Variants in ADAM29 observed in about 807,000 individuals in gnomAD.
ADAM29 encodes ADAM metallopeptidase domain 29.
For missense variants in ADAM29, 969 were observed against 1,001.8 expected, an observed-to-expected ratio of 0.97 and a Z score of 0.44; for synonymous variants, 367 against 342.3, an observed-to-expected ratio of 1.07 and a Z score of -0.80.
chr4:174,948,316 C>T (rs1179244579), intron 4 of ADAM29, among the ~76,000 whole-genome samples: 2 of 152,160 alleles, frequency 1.3e-5, no homozygotes, highest in African/African-American at 4.8e-5. Flanking sequence ...TTTGAAGTTG[C>T]TGGCCTTTGG....
At chr4:174,968,760 C>T (rs1005232146) in intron 4 of ADAM29, among the ~76,000 whole-genome samples, 1 of 143,750 alleles carries the variant, frequency 7.0e-6, no homozygotes, top group East Asian at 2.0e-4. Flanking sequence ...AATCAGTTTG[C>T]CACTTTCCGC....
intron 4 of ADAM29, among the ~76,000 whole-genome samples, chr4:174,968,771 C>CCA (rs36211576): frequency 0.14 from 20,597 of 148,574 alleles, 1,737 homozygotes; most frequent in Non-Finnish European, 0.19. Context: ...CACTTTCCGC[C>CCA]CACACACACA....
chr4:174,920,280 A>G (rs1743094050), intron 1 of ADAM29, among the ~76,000 whole-genome samples: 2 of 152,156 alleles, frequency 1.3e-5, no homozygotes, highest in Non-Finnish European at 2.9e-5. Context: ...CTTAAACTTA[A>G]TGGTTCCCTA....
intron 4 of ADAM29, among the ~76,000 whole-genome samples, chr4:174,974,931 A>G (rs1746671629): frequency 6.6e-6 from 1 of 152,246 alleles, no homozygotes; most frequent in Non-Finnish European, 1.5e-5. Context: ...ATCATCTGAA[A>G]TGGAATAGAA....
In ADAM29 at chr4:174,943,801, AC is replaced by A. The variant is rs1365772225; in HGVS notation, c.-181+6790del. On this transcript the variant is annotated intron_variant, in intron 4 of 4. Coordinates refer to ENST00000359240, the MANE Select transcript of ADAM29 (RefSeq NM_014269.4). ...ATCTTTGACTTGTAGCATGAGCCTTACCACAAATGTACAGGAAAAAAAAAAA... is the reference window on the plus strand; with the variant it reads ...ATCTTTGACTTGTAGCATGAGCCTTACACAAATGTACAGGAAAAAAAAAAA... 1.3e-4 allele frequency among the ~76,000 whole-genome samples: 14 copies of A among 106,292 alleles called. No individual in the cohort carries two copies. In the East Asian group the frequency reaches 3.9e-3, roughly 30 times the overall value. The allele number at this position is 106,292 out of a possible 152,430, so 69.7% of individuals were successfully genotyped here.
rs1747019907 is a variant in ADAM29, at chr4:174,978,059, C to A, written c.*71C>A. On this transcript the variant is annotated 3_prime_UTR_variant, in exon 5 of 5. Coordinates refer to ENST00000359240, the MANE Select transcript of ADAM29 (RefSeq NM_014269.4). ...CCCTCCCAGAGCCAACCTCGGGTGA[C>A]ACCCTCCCAGAGTCAACCTCATGTG... 1 of 1,583,518 alleles carries A rather than the reference C, an allele frequency of 6.3e-7. No homozygotes were observed. Among genetic ancestry groups the A allele is most frequent in the Admixed American group, 1.7e-5 (1 of 58,776 alleles).
intron 2 of ADAM29, among the ~76,000 whole-genome samples, chr4:174,922,373 T>A (rs1227224177): frequency 6.6e-6 from 1 of 152,206 alleles, no homozygotes; most frequent in East Asian, 1.9e-4. Flanking sequence ...CAAATCATCA[T>A]CCTGAAATCT....
intron 4 of ADAM29, among the ~76,000 whole-genome samples, chr4:174,942,284 C>T (rs1006367748): frequency 1.3e-5 from 2 of 152,198 alleles, no homozygotes; most frequent in Admixed American, 6.5e-5. Context: ...AGGCATTGCT[C>T]CAGTGGGAAC....
chr4:174,951,255 A>G (rs1047221932), intron 4 of ADAM29, among the ~76,000 whole-genome samples: 1 of 152,316 alleles, frequency 6.6e-6, no homozygotes, highest in East Asian at 1.9e-4. Flanking sequence ...CCTGACTCCC[A>G]TCTATTTCAT....
rs766360473 is a variant in ADAM29 at position 174,977,195 on chromosome 4, A to G, written c.1670A>G (p.Glu557Gly). 1 of 1,614,104 alleles carries G rather than the reference A, an allele frequency of 6.2e-7. No homozygotes were observed. The highest frequency in any genetic ancestry group is 1.3e-5 in the African/African-American group (1 of 75,060). Residue 557 changes from glutamate to glycine, a missense_variant, in exon 5 of 5, where the codon GAG (glutamate) becomes GGG (glycine). Coordinates refer to ENST00000359240, the MANE Select transcript of ADAM29 (RefSeq NM_014269.4). ...GTCCAGTGTGGAAGAATTCAGTGTG[A>G]GAATGTGACAGAAATTCCCAATATG... ...SDVQCGRIQC[E>G]NVTEIPNMSD...
chr4:174,963,735 T>G (rs1170740001), intron 4 of ADAM29, among the ~76,000 whole-genome samples: 1 of 152,178 alleles, frequency 6.6e-6, no homozygotes, highest in East Asian at 1.9e-4. Context: ...CAGGCTGGAG[T>G]GCAGTGGCAC....
At chr4:174,919,313 GATGAT>G (rs754918367) in intron 1 of ADAM29, among the ~76,000 whole-genome samples, 9 of 152,160 alleles carry the variant, frequency 5.9e-5, no homozygotes, top group Non-Finnish European at 1.0e-4. Flanking sequence ...AGATTTTAGA[GATGAT>G]TCTTTGGGTC....
intron 2 of ADAM29, among the ~76,000 whole-genome samples, chr4:174,926,180 G>C (rs1192966366): frequency 1.3e-5 from 2 of 151,934 alleles, no homozygotes; most frequent in African/African-American, 4.8e-5. Context: ...CTGGTTTATC[G>C]TATTTAACTT....
Position 174,977,081 on chromosome 4 carries a change from C to G in ADAM29, c.1556C>G (p.Thr519Ser). 6.2e-7 allele frequency: 1 copy of G among 1,614,018 alleles called. No homozygotes were observed. The highest frequency in any genetic ancestry group is 1.1e-5 in the South Asian group (1 of 91,070). The change falls in exon 5 of 5, where the codon ACT (threonine) becomes AGT (serine). Residue 519 changes from threonine to serine, a missense_variant. Thr to Ser is a moderately conservative substitution (Grantham distance 58). Coordinates refer to ENST00000359240, the MANE Select transcript of ADAM29 (RefSeq NM_014269.4). ...FGAGANTASE[T>S]CYKELNTLGD... ...GCAGGCGCAAATACTGCAAGTGAGA[C>G]TTGCTACAAAGAATTGAACACCTTA...
rs1250075867 is a variant in ADAM29, at chr4:174,977,632, C to A, written c.2107C>A (p.Pro703Thr). The A allele has an allele frequency of 6.2e-7, 1 of 1,613,956 alleles. No homozygotes were observed. Among genetic ancestry groups the A allele is most frequent in the African/African-American group, 1.3e-5 (1 of 74,980 alleles). ...TTATCGACTTTGTAAAAAAAGTAAACCAATAAAAAAGCAGCAAGATGTTCA... is the reference window on the plus strand; with the variant it reads ...TTATCGACTTTGTAAAAAAAGTAAAACAATAAAAAAGCAGCAAGATGTTCA... ...CLYRLCKKSKPIKKQQDVQTP... is the reference protein window; with the variant it reads ...CLYRLCKKSKTIKKQQDVQTP... Residue 703 changes from proline to threonine, a missense_variant, in exon 5 of 5, where the codon CCA (proline) becomes ACA (threonine). By Grantham distance (38) the Pro-to-Thr change is conservative. Coordinates refer to ENST00000359240, the MANE Select transcript of ADAM29 (RefSeq NM_014269.4).
rs558777696 is a variant in ADAM29 at position 174,931,991 on chromosome 4, A to G, written c.-262+817A>G. On this transcript the variant is annotated intron_variant, in intron 3 of 4. Transcript: ENST00000359240. ...TATTTTTCCACATTTATTTTTATTGAAATGACAATACATGAGGCCAGGCAA... is the reference window on the plus strand; with the variant it reads ...TATTTTTCCACATTTATTTTTATTGGAATGACAATACATGAGGCCAGGCAA... Among the ~76,000 whole-genome samples, 6 of 152,292 alleles carry G rather than the reference A, an allele frequency of 3.9e-5. No individual in the cohort carries two copies. In the South Asian group the frequency reaches 8.3e-4, roughly 21 times the overall value.
At chr4:174,926,122 C>G (rs1276519183) in intron 2 of ADAM29, among the ~76,000 whole-genome samples, 2 of 152,044 alleles carry the variant, frequency 1.3e-5, no homozygotes, top group African/African-American at 2.4e-5. Context: ...ATCATAATAA[C>G]AATTATGTAT....
At chr4:174,965,076 T>C (rs574684311) in intron 4 of ADAM29, among the ~76,000 whole-genome samples, 5 of 152,256 alleles carry the variant, frequency 3.3e-5, no homozygotes, top group African/African-American at 9.6e-5. Flanking sequence ...ATTTATATAT[T>C]AGTCTTTTTA....
chr4:174,955,527 A>C (rs2111036493), intron 4 of ADAM29, among the ~76,000 whole-genome samples: 1 of 152,152 alleles, frequency 6.6e-6, no homozygotes, highest in Non-Finnish European at 1.5e-5. Context: ...GAGATGTTTA[A>C]GCATTCTTAA....
Sources: allele counts gnomAD v4.1 joint callset (sites outside exome capture counted in the v4.1 genomes callset), GRCh38; gene constraint gnomAD v4.1.1; transcripts MANE v1.5; gene names NCBI Gene and HGNC (gene_info 2026-07-23, HGNC 2026-07-21).